TMEM132C: variants seen among roughly 807,000 people sequenced by gnomAD.
TMEM132C encodes protein phosphatase 1, regulatory subunit 152.
In TMEM132C, 29 loss-of-function variants were observed where a neutral mutation model predicts 61.4. The observed-to-expected ratio is 0.47, with a 90% CI of 0.35 to 0.64. TMEM132C has a LOEUF of 0.64. TMEM132C is among the 30% of genes least tolerant of loss of function. The pLI is 0.00. For missense variants in TMEM132C, 1,408 were observed against 1,476.9 expected (o/e 0.95, Z 0.76); for synonymous variants, 656 against 633.1 (o/e 1.04, Z -0.54).
chr12:128,328,461 T>C (rs1170584529), intron 1 of TMEM132C, among the ~76,000 whole-genome samples: 1 of 152,024 alleles, frequency 6.6e-6, no homozygotes, highest in African/African-American at 2.4e-5. Context: ...GGTATTTAGT[T>C]TGATGCGAAA....
intron 1 of TMEM132C, among the ~76,000 whole-genome samples, chr12:128,298,901 C>T (rs918516580): frequency 6.6e-6 from 1 of 152,224 alleles, no homozygotes; most frequent in African/African-American, 2.4e-5. Flanking sequence ...CCCCATTTAA[C>T]TTGAAGTTCC....
At chr12:128,576,710 A>C (rs1369534317) in intron 3 of TMEM132C, among the ~76,000 whole-genome samples, 3 of 152,172 alleles carry the variant, frequency 2.0e-5, no homozygotes, top group Non-Finnish European at 4.4e-5. Context: ...TTTGTCCGTG[A>C]TCGCACACCT....
At chr12:128,304,337 C>T (rs1871691958) in intron 1 of TMEM132C, among the ~76,000 whole-genome samples, 1 of 151,358 alleles carries the variant, frequency 6.6e-6, no homozygotes, top group East Asian at 1.9e-4. Context: ...GCCTTTCAGG[C>T]TGGGCGTGGT....
At chr12:128,474,021 A>T (rs1357282063) in intron 2 of TMEM132C, among the ~76,000 whole-genome samples, 1 of 152,158 alleles carries the variant, frequency 6.6e-6, no homozygotes, top group African/African-American at 2.4e-5. Flanking sequence ...CCTTATTGTC[A>T]TCTCGGGTCC....
chr12:128,448,347 G>A (rs972913214), intron 2 of TMEM132C, among the ~76,000 whole-genome samples: 23 of 152,152 alleles, frequency 1.5e-4, no homozygotes, highest in African/African-American at 5.3e-4. Context: ...GCTGTGCTCC[G>A]CTGGGCAGGT....
At chr12:128,400,384 G>A (rs1875112162) in intron 1 of TMEM132C, among the ~76,000 whole-genome samples, 1 of 152,146 alleles carries the variant, frequency 6.6e-6, no homozygotes, top group African/African-American at 2.4e-5. Context: ...TAAGAGTGAG[G>A]GACCTTCTTT....
intron 1 of TMEM132C, among the ~76,000 whole-genome samples, chr12:128,376,746 C>G (rs1874204008): frequency 6.6e-6 from 1 of 152,180 alleles, no homozygotes; most frequent in African/African-American, 2.4e-5. Flanking sequence ...GAACAGAAAA[C>G]TTAAAAGAAG....
intron 4 of TMEM132C, among the ~76,000 whole-genome samples, chr12:128,665,037 A>G (rs1330053056): frequency 6.6e-6 from 1 of 151,582 alleles, no homozygotes; most frequent in Non-Finnish European, 1.5e-5. Flanking sequence ...AGGAACTCAC[A>G]CTCATACATA....
At chr12:128,582,566 G>T (rs1351200668) in intron 3 of TMEM132C, among the ~76,000 whole-genome samples, 1 of 151,982 alleles carries the variant, frequency 6.6e-6, no homozygotes, top group Non-Finnish European at 1.5e-5. Flanking sequence ...TGAATCATGG[G>T]GGCAGTTTCC....
intron 4 of TMEM132C, among the ~76,000 whole-genome samples, chr12:128,645,003 C>T (rs1289123311): frequency 1.3e-5 from 2 of 152,082 alleles, no homozygotes; most frequent in Non-Finnish European, 2.9e-5. Flanking sequence ...GGGCGAACAG[C>T]GTTGAAAGGG....
At chr12:128,569,995 C>T (rs766334764) in intron 3 of TMEM132C, among the ~76,000 whole-genome samples, 1 of 152,174 alleles carries the variant, frequency 6.6e-6, no homozygotes, top group African/African-American at 2.4e-5. Context: ...TGATCACTTT[C>T]GATGCTCTTT....
chr12:128,425,465 T>C (rs1422783904), intron 2 of TMEM132C, among the ~76,000 whole-genome samples: 1 of 152,230 alleles, frequency 6.6e-6, no homozygotes, highest in Non-Finnish European at 1.5e-5. Context: ...GAATCGCTTC[T>C]CGACCACCAC....
chr12:128,586,107 A>G (rs1199881019), intron 3 of TMEM132C, among the ~76,000 whole-genome samples: 3 of 152,178 alleles, frequency 2.0e-5, no homozygotes, highest in East Asian at 1.9e-4. Context: ...ATATGTATCA[A>G]TGCATAGCGG....
chr12:128,589,719 C>T (rs1391073670), intron 3 of TMEM132C, among the ~76,000 whole-genome samples: 1 of 152,220 alleles, frequency 6.6e-6, no homozygotes, highest in East Asian at 1.9e-4. Flanking sequence ...CTATTTGATA[C>T]CTGAAAGAGG....
Position 128,414,820 on chromosome 12 carries a change from A to T in TMEM132C, c.174A>T (p.Ala58=), listed in dbSNP as rs1256298865. 2 of 1,545,508 alleles carry T rather than the reference A, an allele frequency of 1.3e-6. No homozygotes were observed. Among genetic ancestry groups the T allele is most frequent in the Non-Finnish European group, 1.7e-6 (2 of 1,146,980 alleles). The part of the protein sequence containing the change: ...YLPVSYHILR[A]ETSFFLKEAN... The stretch of plus-strand genomic sequence containing the variant: ...CTGTGAGCTACCACATCCTCAGAGC[A>T]GAGACCTCCTTCTTCCTCAAGGAAG... Residue 58 remains alanine (A), a synonymous_variant, in exon 2 of 9, where the codon GCA becomes GCT. Transcript: ENST00000435159.
intron 2 of TMEM132C, among the ~76,000 whole-genome samples, chr12:128,523,199 G>C (rs7316213): frequency 0.94 from 143,870 of 152,276 alleles, 68,433 homozygotes; most frequent in East Asian, 1. Flanking sequence ...TACATGAGAT[G>C]TCTCCAGTAG....
At chr12:128,365,276 G>A (rs1017678874) in intron 1 of TMEM132C, among the ~76,000 whole-genome samples, 1 of 152,180 alleles carries the variant, frequency 6.6e-6, no homozygotes, top group African/African-American at 2.4e-5. Context: ...TCATGATGTA[G>A]AATTGTAAAC....
chr12:128,552,807 C>CTAAG (rs1190502944), intron 3 of TMEM132C, among the ~76,000 whole-genome samples: 1 of 152,078 alleles, frequency 6.6e-6, no homozygotes, highest in Non-Finnish European at 1.5e-5. Context: ...ACTCAGGAGG[C>CTAAG]TAAGGCAGGA....
At chr12:128,348,780 T>C (rs559898760) in intron 1 of TMEM132C, among the ~76,000 whole-genome samples, 57 of 152,338 alleles carry the variant, frequency 3.7e-4, no homozygotes, top group African/African-American at 1.4e-3. Flanking sequence ...TAAAAGTAAA[T>C]CATCATTAGG....
Sources: allele counts gnomAD v4.1 joint callset (sites outside exome capture counted in the v4.1 genomes callset), GRCh38; gene constraint gnomAD v4.1.1; transcripts MANE v1.5; gene names NCBI Gene and HGNC (gene_info 2026-07-23, HGNC 2026-07-21).